Variants in MYO16 observed in about 807,000 individuals in gnomAD.
The protein encoded by MYO16 is unconventional myosin-XVI.
MYO16 carries 94 observed loss-of-function variants against 205.3 expected under a neutral mutation model. The ratio of observed to expected loss-of-function variants is 0.46; its 90% CI spans 0.39 to 0.54. The LOEUF is 0.54. MYO16 is among the 20% of genes least tolerant of loss of function. The pLI is 0.00. For synonymous variants in MYO16, 988 were observed against 954.0 expected (o/e 1.04, Z -0.66); for missense variants, 2,315 against 2,387.5 (o/e 0.97, Z 0.63).
chr13:109,189,809 A>G (rs1460811653), intron 34 of MYO16, among the ~76,000 whole-genome samples: 1 of 152,198 alleles, frequency 6.6e-6, no homozygotes, highest in African/African-American at 2.4e-5. Flanking sequence ...ATCTCCATTT[A>G]GCATTTCATT....
At chr13:108,739,543 G>A (rs535504912) in intron 4 of MYO16, among the ~76,000 whole-genome samples, 1 of 152,150 alleles carries the variant, frequency 6.6e-6, no homozygotes, top group Non-Finnish European at 1.5e-5. Flanking sequence ...TGAGTAACCC[G>A]ACCTTTCTCT....
At chr13:109,113,580 T>A (rs1276335976) in intron 28 of MYO16, among the ~76,000 whole-genome samples, 1 of 152,238 alleles carries the variant, frequency 6.6e-6, no homozygotes, top group Non-Finnish European at 1.5e-5. Context: ...ACTGAAATTA[T>A]TCATAGAAGT....
intron 4 of MYO16, among the ~76,000 whole-genome samples, chr13:108,743,829 TGATA>T (rs1295627860): frequency 3.3e-5 from 5 of 152,200 alleles, no homozygotes; most frequent in African/African-American, 7.2e-5. Context: ...CGGCTTACAT[TGATA>T]GATCAAAATC....
chr13:108,643,472 T>A (rs572940281), intron 1 of MYO16, among the ~76,000 whole-genome samples: 1 of 152,388 alleles, frequency 6.6e-6, no homozygotes, highest in East Asian at 1.9e-4. Flanking sequence ...AATCCTGTAC[T>A]GGTTCTTGTG....
chr13:108,592,828 C>T (rs969205362), upstream of MYO16, among the ~76,000 whole-genome samples: 2 of 151,572 alleles, frequency 1.3e-5, no homozygotes, highest in Admixed American at 1.3e-4. Context: ...CTCAACAGTA[C>T]ATGATGACAA....
At chr13:109,146,204 C>T (rs1352438514) in intron 32 of MYO16, among the ~76,000 whole-genome samples, 4 of 152,140 alleles carry the variant, frequency 2.6e-5, no homozygotes, top group Non-Finnish European at 5.9e-5. Context: ...ATGGAAGTCA[C>T]TATTAATTTC....
chr13:108,770,143 A>G (rs1309304048), intron 4 of MYO16, among the ~76,000 whole-genome samples: 2 of 152,236 alleles, frequency 1.3e-5, no homozygotes, highest in Non-Finnish European at 2.9e-5. Flanking sequence ...AACTATAGGC[A>G]TGTAATATTC....
At chr13:108,691,732 A>G (rs1882905304) in intron 2 of MYO16, among the ~76,000 whole-genome samples, 1 of 152,180 alleles carries the variant, frequency 6.6e-6, no homozygotes, top group African/African-American at 2.4e-5. Flanking sequence ...TTATTCAGTA[A>G]TACTTGTCAC....
intron 27 of MYO16, among the ~76,000 whole-genome samples, chr13:109,089,252 C>G (rs895586119): frequency 9.2e-5 from 14 of 151,610 alleles, no homozygotes; most frequent in African/African-American, 3.4e-4. Context: ...CTCGCCCTGT[C>G]CCCCAGGCTG....
At position 109,055,678 on chromosome 13, in the gene MYO16, C is replaced by T; in HGVS notation, c.3335+83C>T. On this transcript the variant is annotated intron_variant, in intron 27 of 34. Coordinates refer to ENST00000457511, the MANE Select transcript of MYO16 (RefSeq NM_001198950.3). The surrounding 1 kb of genome is among the most constrained non-coding windows in gnomAD (Gnocchi z 5.0). ...ACACTGACACTATTGTAGCAAGGGTCTTCTGTTGTCTTTTTTGGCACTGCT... is the reference window on the plus strand; with the variant it reads ...ACACTGACACTATTGTAGCAAGGGTTTTCTGTTGTCTTTTTTGGCACTGCT... The T allele has an allele frequency of 4.0e-6, 5 of 1,246,180 alleles. No individual in the cohort carries two copies. Among genetic ancestry groups the T allele is most frequent in the Non-Finnish European group, 5.7e-6 (5 of 880,448 alleles). The allele number at this position is 1,246,180 out of a possible 1,614,324, so 77.2% of individuals were successfully genotyped here. A position where few individuals can be genotyped will look rare whatever the true frequency, so the allele number is the denominator to read the frequency against.
intron 4 of MYO16, among the ~76,000 whole-genome samples, chr13:108,743,675 T>C (rs1317419514): frequency 6.6e-6 from 1 of 152,344 alleles, no homozygotes; most frequent in African/African-American, 2.4e-5. Flanking sequence ...CGTCTTTGCC[T>C]GTACGGTGGA....
intron 12 of MYO16, among the ~76,000 whole-genome samples, chr13:108,874,975 G>C (rs1879257350): frequency 6.6e-6 from 1 of 152,108 alleles, no homozygotes; most frequent in Non-Finnish European, 1.5e-5. Context: ...AGCTGTGGAA[G>C]CATTGGTGGC....
intron 16 of MYO16, among the ~76,000 whole-genome samples, chr13:108,916,821 G>GA (rs1881513707): frequency 6.6e-6 from 1 of 152,148 alleles, no homozygotes; most frequent in Non-Finnish European, 1.5e-5. Flanking sequence ...CTTGTTCAAG[G>GA]ATATTTAGCT....
intron 24 of MYO16, among the ~76,000 whole-genome samples, chr13:109,049,495 G>A (rs777014736): frequency 6.6e-6 from 1 of 152,018 alleles, no homozygotes; most frequent in East Asian, 1.9e-4. Context: ...ATGATTCAGG[G>A]AAAATACAAA....
chr13:108,993,227 A>G (rs1241046054), intron 21 of MYO16, among the ~76,000 whole-genome samples: 4 of 152,152 alleles, frequency 2.6e-5, no homozygotes, highest in Non-Finnish European at 5.9e-5. Context: ...ATAAACAATT[A>G]AATAGAATGT....
At chr13:108,734,337 T>C (rs7321521) in intron 4 of MYO16, among the ~76,000 whole-genome samples, 4,425 of 152,276 alleles carry the variant, frequency 0.029, 204 homozygotes, top group African/African-American at 0.1. Flanking sequence ...AATTAATTTC[T>C]ATTTACCATC....
chr13:108,971,411 ATATC>A (rs1258650060), intron 20 of MYO16, among the ~76,000 whole-genome samples: 9 of 149,598 alleles, frequency 6.0e-5, no homozygotes, highest in South Asian at 2.1e-4. Flanking sequence ...TATATTATCT[ATATC>A]TGTCTATCTA....
At chr13:109,206,139 A>G (rs1880589025) in intron 34 of MYO16, among the ~76,000 whole-genome samples, 2 of 151,916 alleles carry the variant, frequency 1.3e-5, no homozygotes, top group Non-Finnish European at 2.9e-5. Context: ...GTCGGAAGTG[A>G]GGTCATGTAA....
chr13:108,989,435 A>G (rs1175700758), intron 20 of MYO16, among the ~76,000 whole-genome samples: 3 of 152,192 alleles, frequency 2.0e-5, no homozygotes, highest in South Asian at 2.1e-4. Context: ...TTCCTCTTTC[A>G]AGGCTCACTC....
Sources: allele counts gnomAD v4.1 joint callset (sites outside exome capture counted in the v4.1 genomes callset), GRCh38; gene constraint gnomAD v4.1.1; non-coding constraint Gnocchi (gnomAD v3.1); transcripts MANE v1.5; gene names NCBI Gene and HGNC (gene_info 2026-07-23, HGNC 2026-07-21).